KCNH5: variants seen among roughly 807,000 people sequenced by gnomAD.
The protein encoded by KCNH5 is potassium voltage-gated channel subfamily H member 5, also known as voltage-gated delayed rectifier potassium channel KCNH5.
In KCNH5, 46 loss-of-function variants were observed where a neutral mutation model predicts 96.1. That is an observed-to-expected ratio of 0.48 (90% confidence interval 0.38 to 0.61). KCNH5 has a LOEUF of 0.61. Ranked by LOEUF, KCNH5 falls within the 20% of genes least tolerant of loss-of-function variation. The pLI is 0.00. For synonymous variants in KCNH5, 439 were observed against 449.8 expected (o/e 0.98, Z 0.30); for missense variants, 907 against 1,225.8 (o/e 0.74, Z 3.88).
chr14:63,041,043 T>G (rs564868840), intron 1 of KCNH5, among the ~76,000 whole-genome samples: 27 of 152,166 alleles, frequency 1.8e-4, no homozygotes, highest in African/African-American at 5.3e-4. Flanking sequence ...ATAATAATAA[T>G]TTCTAGTTAA....
At chr14:62,724,402 G>A (rs1884880149) in intron 10 of KCNH5, among the ~76,000 whole-genome samples, 1 of 151,994 alleles carries the variant, frequency 6.6e-6, no homozygotes. Flanking sequence ...CAACACAAGA[G>A]GTCAGTACCT....
chr14:63,027,031 G>A (rs1285494372), intron 1 of KCNH5, among the ~76,000 whole-genome samples: 3 of 151,970 alleles, frequency 2.0e-5, no homozygotes, highest in Admixed American at 6.6e-5. Context: ...AAAAAGAAAG[G>A]AGCATTGTCA....
At chr14:62,878,528 A>G (rs1368092951) in intron 7 of KCNH5, among the ~76,000 whole-genome samples, 1 of 152,076 alleles carries the variant, frequency 6.6e-6, no homozygotes, top group East Asian at 1.9e-4. Context: ...AATTCACACC[A>G]CAGTCTGAGG....
rs76508597 is a variant in KCNH5 at position 62,953,321 on chromosome 14, T to C, written c.943-2762A>G. ...CCAGGGCTATCCTTCTCCATGCTTC[T>C]ATTTCATGTTAGGATTCTCATGATT... On this transcript the variant is annotated intron_variant, in intron 6 of 10. Transcript: ENST00000322893. Among the ~76,000 whole-genome samples, 1,452 of 152,254 alleles carry C rather than the reference T, an allele frequency of 9.5e-3. 17 individuals carry two copies. The highest frequency in any genetic ancestry group is 0.034 in the African/African-American group (1,404 of 41,548).
intron 7 of KCNH5, among the ~76,000 whole-genome samples, chr14:62,856,911 T>C (rs1478481888): frequency 6.6e-6 from 1 of 152,022 alleles, no homozygotes. Flanking sequence ...ATTTTCCCTC[T>C]AAGAGATGCT....
intron 7 of KCNH5, among the ~76,000 whole-genome samples, chr14:62,901,776 T>C (rs776534630): frequency 3.3e-5 from 5 of 152,262 alleles, no homozygotes; most frequent in Non-Finnish European, 7.3e-5. Context: ...ATGGCACTTC[T>C]GTTTTAAGCT....
chr14:62,895,834 AG>A (rs770970656), intron 7 of KCNH5, among the ~76,000 whole-genome samples: 3 of 152,178 alleles, frequency 2.0e-5, no homozygotes, highest in East Asian at 1.9e-4. Flanking sequence ...AGCATTACTT[AG>A]GAACACCTCT....
intron 8 of KCNH5, among the ~76,000 whole-genome samples, chr14:62,817,203 CAT>C (rs1887002046): frequency 7.6e-6 from 1 of 130,870 alleles, no homozygotes; most frequent in Non-Finnish European, 1.6e-5. Flanking sequence ...TATCATATAT[CAT>C]ATATTATATA....
At chr14:62,909,157 T>C (rs917569102) in intron 7 of KCNH5, among the ~76,000 whole-genome samples, 2 of 144,074 alleles carry the variant, frequency 1.4e-5, no homozygotes, top group Admixed American at 1.5e-4. Context: ...GCCATTCTCC[T>C]GCCTCAGCCT....
intron 10 of KCNH5, among the ~76,000 whole-genome samples, chr14:62,762,176 C>G (rs1252854400): frequency 6.6e-6 from 1 of 152,078 alleles, no homozygotes; most frequent in Non-Finnish European, 1.5e-5. Flanking sequence ...TGGCTGGGGA[C>G]ACCCGTTCCC....
At chr14:62,782,310 AAG>A (rs1202030112) in intron 9 of KCNH5, among the ~76,000 whole-genome samples, 2 of 152,198 alleles carry the variant, frequency 1.3e-5, no homozygotes, top group Admixed American at 6.5e-5. Context: ...TCAGGGTACA[AAG>A]AGAAAACATG....
chr14:62,996,315 T>A (rs1446518697), intron 4 of KCNH5, among the ~76,000 whole-genome samples: 1 of 152,208 alleles, frequency 6.6e-6, no homozygotes. Flanking sequence ...CATTTTACAA[T>A]ACTTTTTCAA....
At chr14:62,908,042 G>C (rs999798720) in intron 7 of KCNH5, among the ~76,000 whole-genome samples, 6 of 152,142 alleles carry the variant, frequency 3.9e-5, no homozygotes, top group Non-Finnish European at 8.8e-5. Context: ...TTATTTAAAT[G>C]ATTTTCAAAC....
At chr14:62,916,834 A>C (rs1566706993) in intron 7 of KCNH5, among the ~76,000 whole-genome samples, 1 of 152,206 alleles carries the variant, frequency 6.6e-6, no homozygotes, top group Non-Finnish European at 1.5e-5. Flanking sequence ...TCTCAGTCCC[A>C]ACAAATGATT....
chr14:62,966,182 AGTGCACACT>A (rs1216996600), intron 6 of KCNH5, among the ~76,000 whole-genome samples: 1 of 152,212 alleles, frequency 6.6e-6, no homozygotes, highest in Non-Finnish European at 1.5e-5. Context: ...ATCTTCTGAA[AGTGCACACT>A]GGGCATTTGA....
intron 6 of KCNH5, among the ~76,000 whole-genome samples, chr14:62,950,996 T>C (rs1889995135): frequency 6.6e-6 from 1 of 152,192 alleles, no homozygotes; most frequent in Non-Finnish European, 1.5e-5. Context: ...TTATGATAGC[T>C]ACAAATAGCA....
intron 10 of KCNH5, among the ~76,000 whole-genome samples, chr14:62,737,553 C>A (rs1885184665): frequency 6.6e-6 from 1 of 152,074 alleles, no homozygotes; most frequent in African/African-American, 2.4e-5. Flanking sequence ...TTGGATGATG[C>A]ATATAAAAGT....
At chr14:63,004,690 G>A (rs939217269) in intron 3 of KCNH5, among the ~76,000 whole-genome samples, 7 of 152,068 alleles carry the variant, frequency 4.6e-5, no homozygotes, top group African/African-American at 1.2e-4. Flanking sequence ...CTGCAGCCTC[G>A]AACTCCTGGG....
intron 9 of KCNH5, among the ~76,000 whole-genome samples, chr14:62,781,414 A>G (rs1372829526): frequency 6.6e-6 from 1 of 152,204 alleles, no homozygotes; most frequent in Non-Finnish European, 1.5e-5. Flanking sequence ...CAGCGTTTTG[A>G]GATCAACCGG....
Sources: allele counts gnomAD v4.1 joint callset (sites outside exome capture counted in the v4.1 genomes callset), GRCh38; gene constraint gnomAD v4.1.1; transcripts MANE v1.5; gene names NCBI Gene and HGNC (gene_info 2026-07-23, HGNC 2026-07-21).